The following MAK variants were observed in gnomAD, a reference collection of about 807,000 sequenced individuals.
MAK encodes male germ cell associated kinase.
MAK carries 65 observed loss-of-function variants against 82.6 expected under a neutral mutation model. The ratio of observed to expected loss-of-function variants is 0.79; its 90% CI spans 0.64 to 0.97. MAK has a LOEUF of 0.97. MAK is among the 50% of genes least tolerant of loss of function. The pLI, the probability that MAK is intolerant of heterozygous loss-of-function variation, is 0.00. For missense variants in MAK, 703 were observed against 780.2 expected, an observed-to-expected ratio of 0.90 and a Z score of 1.18; for synonymous variants, 250 against 274.2, an observed-to-expected ratio of 0.91 and a Z score of 0.87.
chr6:10,767,713 C>T (rs979894518), intron 14 of MAK, among the ~76,000 whole-genome samples: 4 of 149,544 alleles, frequency 2.7e-5, no homozygotes, highest in Non-Finnish European at 4.4e-5. Context: ...CGCTTGAACC[C>T]GGGTGGCAGA....
intron 3 of MAK, 82 bp downstream of exon 3, chr6:10,818,804 C>T: frequency 2.6e-6 from 2 of 780,324 alleles, no homozygotes; most frequent in Non-Finnish European, 4.5e-6. Flanking sequence ...GAATGCTTCC[C>T]ACAGAGAATA....
Position 10,784,505 on chromosome 6 carries a change from TAAC to T in MAK, c.1381_1383del (p.Val461del). The T allele has an allele frequency of 3.7e-6, 6 of 1,614,180 alleles. No individual in the cohort carries two copies. The highest frequency in any genetic ancestry group is 5.1e-6 in the Non-Finnish European group (6 of 1,180,018). On this transcript the variant is annotated inframe_deletion, in exon 11 of 15. Coordinates refer to ENST00000354489, the MANE Select transcript of MAK (RefSeq NM_001242957.3). ...AATTCGGAATCAGATTTTAGGGAAG[TAAC>T]AGCAGGTAAGCTCTTGTTTTCCCCT...
At chr6:10,811,113 C>T (rs1281493351) in intron 5 of MAK, among the ~76,000 whole-genome samples, 2 of 152,220 alleles carry the variant, frequency 1.3e-5, no homozygotes, top group Non-Finnish European at 2.9e-5. Flanking sequence ...ATTCTCCTGC[C>T]TCAGCGTCCC....
chr6:10,808,827 A>T lies in MAK; in HGVS notation c.474T>A (p.Asp158Glu), dbSNP rs974426122. The change falls in exon 6 of 15, where the codon GAT (aspartate) becomes GAA (glutamate). Residue 158 changes from aspartate to glutamate, a missense_variant. Physicochemically the swap from Asp to Glu is conservative, Grantham distance 45 (BLOSUM62 2). Coordinates refer to ENST00000354489, the MANE Select transcript of MAK (RefSeq NM_001242957.3). The part of the protein sequence containing the change: ...RELRSQPPYT[D>E]YVSTRWYRAP... ...CTACTCACCATCTGGTAGATACATA[A>T]TCAGTGTATGGTGGCTGTGACCTTA... 7 of 1,613,922 alleles carry T rather than the reference A, an allele frequency of 4.3e-6. No homozygotes were observed. The African/African-American group carries it at 9.3e-5, about 22-fold the overall frequency.
intron 14 of MAK, among the ~76,000 whole-genome samples, chr6:10,769,780 C>T (rs1772824037): frequency 6.6e-6 from 1 of 152,204 alleles, no homozygotes; most frequent in Non-Finnish European, 1.5e-5. Flanking sequence ...AGGTAAGTTA[C>T]TTCACCTACA....
rs774223604 is a variant in MAK at position 10,830,167 on chromosome 6, G to GTA, written c.101+379_101+380dup. 1.6e-4 allele frequency among the ~76,000 whole-genome samples: 22 copies of GTA among 140,784 alleles called. No homozygotes were observed. The East Asian group carries it at 1.6e-3, about 10-fold the overall frequency. 92.4% of individuals were successfully genotyped at this position (140,784 alleles called of 152,430 possible). On this transcript the variant is annotated intron_variant, in intron 2 of 14. Coordinates refer to ENST00000354489, the MANE Select transcript of MAK (RefSeq NM_001242957.3). ...TGTGTGTGTGTGTGTGCGTGTGCACGTATATATATATATTTTTAGACGGAG... is the reference window on the plus strand; with the variant it reads ...TGTGTGTGTGTGTGTGCGTGTGCACGTATATATATATATATTTTTAGACGGAG...
In MAK at chr6:10,776,784, GAACTATTATAGGC is replaced by G. The variant is rs968261192; in HGVS notation, c.1466-1338_1466-1326del. Reference sequence around the variant, plus strand: ...TTCCCTAATAAAACACCTACAAATCGAACTATTATAGGCAACTACCAGCTGGGTGCGGTGGCTC... The same window carrying G: ...TTCCCTAATAAAACACCTACAAATCGAACTACCAGCTGGGTGCGGTGGCTC... On this transcript the variant is annotated intron_variant, in intron 11 of 14. Transcript: ENST00000354489. The surrounding 1 kb of genome is among the most constrained non-coding windows in gnomAD (Gnocchi z 4.3). Among the ~76,000 whole-genome samples the G allele has an allele frequency of 1.3e-5, 2 of 151,918 alleles. No individual in the cohort carries two copies. The highest frequency in any genetic ancestry group is 4.8e-5 in the African/African-American group (2 of 41,340).
At chr6:10,778,267 T>G (rs1053031318) in intron 11 of MAK, among the ~76,000 whole-genome samples, 15 of 152,168 alleles carry the variant, frequency 9.9e-5, no homozygotes, top group Non-Finnish European at 1.9e-4. Flanking sequence ...AGGGAGACAG[T>G]TTTAGTCATA....
chr6:10,809,027 G>T, intron 5 of MAK, 85 bp from the exon 6 acceptor site: 1 of 1,178,756 alleles, frequency 8.5e-7, no homozygotes, highest in Non-Finnish European at 1.2e-6. Context: ...AAATATAAAT[G>T]AACCCCCTCT....
intron 14 of MAK, among the ~76,000 whole-genome samples, chr6:10,765,992 A>T (rs138628813): frequency 0.015 from 2,338 of 152,352 alleles, 29 homozygotes; most frequent in Middle Eastern, 0.027. Context: ...AAAGCAGGAG[A>T]TCATTTTACA....
chr6:10,819,057 T>TCCTCATCC (rs1777720990), intron 2 of MAK, 117 bp from the exon 3 acceptor site: 1 of 695,086 alleles, frequency 1.4e-6, no homozygotes, highest in African/African-American at 1.8e-5. Flanking sequence ...TCTTTCTCTG[T>TCCTCATCC]CCTCATCCTT....
intron 5 of MAK, among the ~76,000 whole-genome samples, chr6:10,813,113 TATATATATATATATATATATAA>T (rs1561987148): frequency 0.1 from 387 of 3,712 alleles, 85 homozygotes; most frequent in Non-Finnish European, 0.17. Context: ...TATATATATA[TATATATATATATATATATATAA>T]ATTTTTTTTT....
intron 11 of MAK, among the ~76,000 whole-genome samples, chr6:10,777,574 T>TTAAGG (rs55729322): frequency 0.79 from 119,110 of 151,408 alleles, 47,019 homozygotes; most frequent in East Asian, 0.87. Flanking sequence ...GGCTTTTTTT[T>TTAAGG]TAAGTATTTT....
Position 10,793,894 on chromosome 6 carries a change from C to T in MAK, c.1144-2047G>A, listed in dbSNP as rs1581693476. 6.6e-6 allele frequency among the ~76,000 whole-genome samples: 1 copy of T among 152,116 alleles called. No homozygotes were observed. The highest frequency in any genetic ancestry group is 2.4e-5 in the African/African-American group (1 of 41,420). On this transcript the variant is annotated intron_variant, in intron 9 of 14. Transcript: ENST00000354489. This position sits in a 1 kb window ranked among gnomAD's most constrained non-coding sequence, Gnocchi z 4.6. ...ATGGTTTAGAATGTCGGAGGTGATT[C>T]GCCCTGCTCTATATTCCCTGCCTGC... is the stretch of plus-strand genomic sequence containing the variant.
chr6:10,787,110 C>T (rs574882858), intron 10 of MAK, among the ~76,000 whole-genome samples: 16 of 150,654 alleles, frequency 1.1e-4, no homozygotes, highest in East Asian at 5.8e-4. Flanking sequence ...TTCACCACTC[C>T]GCTAATGCAC....
In MAK at chr6:10,776,961, C is replaced by T. The variant is rs569200040; in HGVS notation, c.1466-1502G>A. On this transcript the variant is annotated intron_variant, in intron 11 of 14. Transcript: ENST00000354489. This position sits in a 1 kb window ranked among gnomAD's most constrained non-coding sequence, Gnocchi z 4.3. Reference sequence around the variant, plus strand: ...TTAGCCAGGCATGAGACAGGAGAATCGCTTGAACCTGGGAGGCAGAGGTTG... The same window carrying T: ...TTAGCCAGGCATGAGACAGGAGAATTGCTTGAACCTGGGAGGCAGAGGTTG... Among the ~76,000 whole-genome samples the T allele has an allele frequency of 5.9e-5, 9 of 151,614 alleles. No individual in the cohort carries two copies. In the South Asian group the frequency reaches 1.0e-3, roughly 18 times the overall value.
At chr6:10,810,045 C>G (rs1437759481) in intron 5 of MAK, among the ~76,000 whole-genome samples, 1 of 141,120 alleles carries the variant, frequency 7.1e-6, no homozygotes, top group East Asian at 2.1e-4. Context: ...TTGCAGTGAG[C>G]TGAGATCATG....
Position 10,763,912 on chromosome 6 carries a change from A to G in MAK, c.*540T>C, listed in dbSNP as rs943622422. 6.6e-6 allele frequency: 1 copy of G among 152,660 alleles called. No homozygotes were observed. The highest frequency in any genetic ancestry group is 1.5e-5 in the Non-Finnish European group (1 of 68,378). 9.5% of individuals were successfully genotyped at this position (152,660 alleles called of 1,614,324 possible). A position where few individuals can be genotyped will look rare whatever the true frequency, so the allele number is the denominator to read the frequency against. On this transcript the variant is annotated 3_prime_UTR_variant, in exon 15 of 15. Coordinates refer to ENST00000354489, the MANE Select transcript of MAK (RefSeq NM_001242957.3). ...ATTACCATCGCTCCCATAGCTTCAAAGTAGAAAAACAAATAATTGCAATCT... is the reference window on the plus strand; with the variant it reads ...ATTACCATCGCTCCCATAGCTTCAAGGTAGAAAAACAAATAATTGCAATCT...
intron 11 of MAK, among the ~76,000 whole-genome samples, chr6:10,778,563 A>T (rs182824244): frequency 6.6e-5 from 10 of 152,184 alleles, no homozygotes; most frequent in Admixed American, 6.6e-4. Context: ...GGGAGGTGCG[A>T]TCCTTGAAGA....
Sources: gnomAD v4.1 joint callset for allele counts (sites outside exome capture counted in the v4.1 genomes callset) on GRCh38, gnomAD v4.1.1 for gene constraint, Gnocchi (gnomAD v3.1) non-coding constraint, MANE v1.5 for transcripts, NCBI Gene and HGNC (gene_info 2026-07-23, HGNC 2026-07-21) for gene names.